Variants in PPP1R1C observed in about 807,000 individuals in gnomAD.
PPP1R1C encodes the protein protein phosphatase 1 regulatory subunit 1C.
Under a neutral mutation model 17.4 loss-of-function variants are expected in PPP1R1C, and 15 were observed. That is an observed-to-expected ratio of 0.86 (90% CI 0.58 to 1.33). The LOEUF (loss-of-function observed/expected upper bound fraction) is 1.33, where lower values mean the gene tolerates loss of function less well. Among genes scored for constraint, PPP1R1C ranks in the 40% most tolerant of loss-of-function variants. The probability of loss-of-function intolerance (pLI) is 0.00; values close to 1 mark genes in which losing one functional copy is unlikely to be tolerated. For synonymous variants in PPP1R1C, 35 were observed against 43.1 expected (o/e 0.81, Z 0.73); for missense variants, 143 against 130.0 (o/e 1.10, Z -0.48).
At chr2:182,115,794 T>C (rs10451546) in intron 4 of PPP1R1C, among the ~76,000 whole-genome samples, 39,557 of 147,244 alleles carry the variant, frequency 0.27, 5,668 homozygotes, top group African/African-American at 0.43. Context: ...CCAAATAGCA[T>C]TCTGAGGCTT....
intron 4 of PPP1R1C, among the ~76,000 whole-genome samples, chr2:182,089,619 A>C (rs182499581): frequency 1.3e-5 from 2 of 152,194 alleles, no homozygotes. Context: ...AGATATTTCC[A>C]TAGCTAAAGT....
At chr2:182,096,214 C>T (rs967350899) in intron 4 of PPP1R1C, among the ~76,000 whole-genome samples, 3 of 152,028 alleles carry the variant, frequency 2.0e-5, no homozygotes, top group African/African-American at 4.8e-5. Flanking sequence ...ATGGTAAAAA[C>T]GGGGGAATTT....
At chr2:182,130,004 TGG>T (rs1404104918) in exon 6 of PPP1R1C, 1 of 151,912 alleles carries the variant, frequency 6.6e-6, no homozygotes, top group Non-Finnish European at 1.5e-5. Flanking sequence ...AAAAAGTACA[TGG>T]TTCATTTAAA....
intron 4 of PPP1R1C, among the ~76,000 whole-genome samples, chr2:182,076,376 A>G (rs898310246): frequency 2.0e-5 from 3 of 148,404 alleles, no homozygotes; most frequent in African/African-American, 7.5e-5. Flanking sequence ...TTTTTTTTGT[A>G]TGAACTTCTA....
chr2:181,989,056 A>G (rs1321532934), intron 2 of PPP1R1C, among the ~76,000 whole-genome samples: 2 of 152,228 alleles, frequency 1.3e-5, no homozygotes, highest in African/African-American at 4.8e-5. Context: ...AAATACAAGT[A>G]TAAAGATAAG....
chr2:181,959,020 C>T (rs759688578), intron 1 of PPP1R1C, among the ~76,000 whole-genome samples: 10 of 152,194 alleles, frequency 6.6e-5, no homozygotes, highest in Non-Finnish European at 1.5e-4. Flanking sequence ...ATAGACTACA[C>T]ATATGTTAAG....
chr2:182,036,069 C>A (rs1686996402), intron 2 of PPP1R1C, among the ~76,000 whole-genome samples: 1 of 152,116 alleles, frequency 6.6e-6, no homozygotes, highest in African/African-American at 2.4e-5. Flanking sequence ...ACGGGCTCTC[C>A]AAAACAAGTC....
chr2:181,966,508 T>C (rs917913822), intron 1 of PPP1R1C, among the ~76,000 whole-genome samples: 2 of 152,118 alleles, frequency 1.3e-5, no homozygotes, highest in Non-Finnish European at 2.9e-5. Flanking sequence ...GTATTTTTTT[T>C]CATCATAAAA....
chr2:182,108,393 C>T (rs1449769072), intron 4 of PPP1R1C, among the ~76,000 whole-genome samples: 2 of 151,982 alleles, frequency 1.3e-5, no homozygotes, highest in African/African-American at 4.8e-5. Flanking sequence ...GTTCTCTTTG[C>T]ACTCTTAATG....
chr2:182,061,930 G>T (rs1687862640), intron 3 of PPP1R1C, among the ~76,000 whole-genome samples: 1 of 152,110 alleles, frequency 6.6e-6, no homozygotes, highest in South Asian at 2.1e-4. Flanking sequence ...GATCCAACGG[G>T]TTCACCTAGA....
chr2:182,099,047 G>A (rs1389394121), intron 4 of PPP1R1C, among the ~76,000 whole-genome samples: 1 of 152,142 alleles, frequency 6.6e-6, no homozygotes, highest in African/African-American at 2.4e-5. Flanking sequence ...GTAATAACTT[G>A]TGACTAGAAA....
intron 4 of PPP1R1C, among the ~76,000 whole-genome samples, chr2:182,095,509 T>G (rs1275695829): frequency 1.3e-5 from 2 of 152,226 alleles, no homozygotes; most frequent in Non-Finnish European, 2.9e-5. Context: ...TAATGTCAGC[T>G]GTCTTTTATT....
intron 2 of PPP1R1C, among the ~76,000 whole-genome samples, chr2:182,036,815 G>A (rs1574399908): frequency 6.6e-6 from 1 of 152,026 alleles, no homozygotes; most frequent in Non-Finnish European, 1.5e-5. Context: ...ACTATTAAAT[G>A]ACACATTTGT....
At chr2:181,974,286 G>A (rs889422723) in intron 1 of PPP1R1C, among the ~76,000 whole-genome samples, 2 of 152,098 alleles carry the variant, frequency 1.3e-5, no homozygotes, top group Admixed American at 1.3e-4. Flanking sequence ...ATTATACTCT[G>A]AGAATATTTC....
At chr2:182,023,908 T>A (rs576116170) in intron 2 of PPP1R1C, 1 of 152,216 alleles carries the variant, frequency 6.6e-6, no homozygotes, top group African/African-American at 2.4e-5. Context: ...AGTGCTGGGG[T>A]TACAGGTATG....
chr2:182,058,436 C>T (rs1234799277), intron 2 of PPP1R1C, among the ~76,000 whole-genome samples: 2 of 152,034 alleles, frequency 1.3e-5, no homozygotes, highest in East Asian at 3.9e-4. Flanking sequence ...CCCTTGGTCA[C>T]CTGGCAGAAT....
At chr2:181,984,410 T>A (rs1004744450), upstream of PPP1R1C, among the ~76,000 whole-genome samples, 1 of 152,244 alleles carries the variant, frequency 6.6e-6, no homozygotes, top group Non-Finnish European at 1.5e-5. Flanking sequence ...TTTGAAGATA[T>A]ATTCAAAGAA....
At chr2:182,097,792 C>G (rs529569854) in intron 4 of PPP1R1C, among the ~76,000 whole-genome samples, 1 of 152,194 alleles carries the variant, frequency 6.6e-6, no homozygotes, top group Non-Finnish European at 1.5e-5. Flanking sequence ...TCTTCCTGCT[C>G]TCTCAGTAAA....
chr2:182,064,383 G>A (rs1262176761), intron 4 of PPP1R1C, among the ~76,000 whole-genome samples: 3 of 152,102 alleles, frequency 2.0e-5, no homozygotes, highest in African/African-American at 7.2e-5. Flanking sequence ...TCCAGGGAAA[G>A]CATCTCTTAT....
Sources: allele counts gnomAD v4.1 joint callset (sites outside exome capture counted in the v4.1 genomes callset), GRCh38; gene constraint gnomAD v4.1.1; transcripts MANE v1.5; gene names NCBI Gene and HGNC (gene_info 2026-07-23, HGNC 2026-07-21).